SDK1: variants seen among roughly 807,000 people sequenced by gnomAD.
SDK1 encodes sidekick cell adhesion molecule 1, also known as protein sidekick-1.
SDK1 carries 157 observed loss-of-function variants against 245.5 expected under a neutral mutation model. The observed-to-expected ratio is 0.64, with a 90% confidence interval of 0.56 to 0.73. SDK1 has a LOEUF of 0.73. Ranked by LOEUF, SDK1 falls within the 30% of genes least tolerant of loss-of-function variation. The pLI is 0.00. For synonymous variants in SDK1, 1,647 were observed against 1,278.5 expected, an observed-to-expected ratio of 1.29 and a Z score of -6.15; for missense variants, 3,583 against 3,002.3, an observed-to-expected ratio of 1.19 and a Z score of -4.52.
intron 4 of SDK1, among the ~76,000 whole-genome samples, chr7:3,762,469 T>C (rs1282825883): frequency 6.6e-6 from 1 of 152,244 alleles, no homozygotes; most frequent in Non-Finnish European, 1.5e-5. Flanking sequence ...TTCTTAAACA[T>C]GCATGGTATT....
intron 4 of SDK1, among the ~76,000 whole-genome samples, chr7:3,805,510 T>A (rs1779219718): frequency 6.6e-6 from 1 of 152,242 alleles, no homozygotes; most frequent in Non-Finnish European, 1.5e-5. Context: ...TTTTCTGCCC[T>A]GACCTATAAT....
chr7:3,509,778 G>A (rs549414569), intron 1 of SDK1, among the ~76,000 whole-genome samples: 8 of 152,192 alleles, frequency 5.3e-5, no homozygotes, highest in Non-Finnish European at 5.9e-5. Flanking sequence ...TGTAAGAAAA[G>A]CAGCATGACA....
chr7:3,449,723 A>T (rs780497722), intron 1 of SDK1, among the ~76,000 whole-genome samples: 2 of 152,244 alleles, frequency 1.3e-5, no homozygotes, highest in Non-Finnish European at 2.9e-5. Context: ...ACTGAGCGGC[A>T]GAGACCTGTG....
At chr7:3,757,462 C>T (rs1159095234) in intron 4 of SDK1, among the ~76,000 whole-genome samples, 1 of 152,038 alleles carries the variant, frequency 6.6e-6, no homozygotes. Context: ...GTCTCAAACT[C>T]CTGGCCTCAA....
intron 44 of SDK1, among the ~76,000 whole-genome samples, chr7:4,262,386 T>TC (rs1788073745): frequency 6.6e-6 from 1 of 151,784 alleles, no homozygotes; most frequent in Admixed American, 6.6e-5. Context: ...AAAATAGAGG[T>TC]TTGCTTTCAG....
At chr7:3,486,086 T>TC (rs957815672) in intron 1 of SDK1, among the ~76,000 whole-genome samples, 1 of 152,022 alleles carries the variant, frequency 6.6e-6, no homozygotes, top group Non-Finnish European at 1.5e-5. Context: ...AGTGCTTTTT[T>TC]CCCCCCTGAG....
intron 1 of SDK1, among the ~76,000 whole-genome samples, chr7:3,568,919 C>T (rs1050097329): frequency 5.3e-5 from 8 of 151,708 alleles, no homozygotes; most frequent in Admixed American, 2.0e-4. Flanking sequence ...AGGCAATTTG[C>T]TTTAGTATCT....
chr7:3,834,016 A>G (rs1352538029), intron 5 of SDK1, among the ~76,000 whole-genome samples: 1 of 152,224 alleles, frequency 6.6e-6, no homozygotes, highest in East Asian at 1.9e-4. Flanking sequence ...ACCTGGAAGG[A>G]TACTGAGGGA....
chr7:3,441,608 C>T (rs938158762), intron 1 of SDK1, among the ~76,000 whole-genome samples: 5 of 152,144 alleles, frequency 3.3e-5, no homozygotes, highest in African/African-American at 1.2e-4. Flanking sequence ...ATTGCTGTCA[C>T]TTCATCATAA....
At chr7:3,892,800 C>G (rs551144554) in intron 5 of SDK1, among the ~76,000 whole-genome samples, 1 of 152,176 alleles carries the variant, frequency 6.6e-6, no homozygotes, top group Non-Finnish European at 1.5e-5. Flanking sequence ...GGAGGCAGTC[C>G]GGAAAGCTGA....
intron 4 of SDK1, among the ~76,000 whole-genome samples, chr7:3,736,720 A>T (rs1292906923): frequency 6.6e-6 from 1 of 152,208 alleles, no homozygotes; most frequent in Non-Finnish European, 1.5e-5. Context: ...ATACATATGT[A>T]TTGGGATATT....
intron 1 of SDK1, among the ~76,000 whole-genome samples, chr7:3,611,746 C>A (rs532805480): frequency 6.6e-6 from 1 of 151,938 alleles, no homozygotes; most frequent in Non-Finnish European, 1.5e-5. Flanking sequence ...GGCTATTGAT[C>A]AGGAAAATGC....
At chr7:3,454,615 G>C (rs1225768277) in intron 1 of SDK1, among the ~76,000 whole-genome samples, 1 of 152,060 alleles carries the variant, frequency 6.6e-6, no homozygotes, top group East Asian at 1.9e-4. Context: ...TAACCTTTTG[G>C]GATTTGCTGC....
At position 4,266,639 on chromosome 7, in the gene SDK1, T is replaced by C. The variant is rs932512956; in HGVS notation, c.*1255T>C. On this transcript the variant is annotated 3_prime_UTR_variant, in exon 45 of 45. Transcript: ENST00000404826. ...TCAGCTAGATGAAAAGAGTATGAAC[T>C]ACTTTGGAAAACTTAACAGCTCAGA... The C allele has an allele frequency of 2.0e-6, 2 of 985,350 alleles. No homozygotes were observed. Among genetic ancestry groups the C allele is most frequent in the African/African-American group, 3.5e-5 (2 of 57,256 alleles). The allele number at this position is 985,350 out of a possible 1,614,324, so 61.0% of individuals were successfully genotyped here.
intron 4 of SDK1, among the ~76,000 whole-genome samples, chr7:3,792,609 C>G (rs1271667017): frequency 2.6e-5 from 1 of 38,998 alleles, no homozygotes; most frequent in African/African-American, 1.1e-4. Flanking sequence ...CTCCCTTTCT[C>G]CCTCCCATCC....
Position 3,667,984 on chromosome 7 carries a change from T to G in SDK1, c.713+25879T>G, listed in dbSNP as rs368699051. 1.6e-3 allele frequency among the ~76,000 whole-genome samples: 248 copies of G among 152,270 alleles called. 2 individuals are homozygous for G. Among genetic ancestry groups the G allele is most frequent in the African/African-American group, 5.7e-3 (238 of 41,562 alleles). ...TGCTTGGAGTAGACTTTCTGGTAAG[T>G]GTATGTTTATTTAACTTTATAAGAA... is the stretch of plus-strand genomic sequence containing the variant. On this transcript the variant is annotated intron_variant, in intron 4 of 44. Coordinates refer to ENST00000404826, the MANE Select transcript of SDK1 (RefSeq NM_152744.4).
rs575408557 is a variant in SDK1 at position 3,803,939 on chromosome 7, T to C, written c.714-17511T>C. Among the ~76,000 whole-genome samples, 5 of 152,112 alleles carry C rather than the reference T, an allele frequency of 3.3e-5. No individual in the cohort carries two copies. In the South Asian group the frequency reaches 8.3e-4, roughly 25 times the overall value. On this transcript the variant is annotated intron_variant, in intron 4 of 44. Transcript: ENST00000404826. ...GCCACCACGCCTGGTTAATTTTTTG[T>C]ATTTTTAGTAGAGACGGGGTTTCAC...
rs1360717038 is a variant in SDK1 at position 3,667,227 on chromosome 7, T to A, written c.713+25122T>A. ...GAAGTTTATATAGTGTGTTCAAATG[T>A]AATTTTATTATAACCATATTATTAT... On this transcript the variant is annotated intron_variant, in intron 4 of 44. Transcript: ENST00000404826. Among the ~76,000 whole-genome samples the A allele has an allele frequency of 5.3e-5, 8 of 152,358 alleles. No individual in the cohort carries two copies. The East Asian group carries it at 1.5e-3, about 29-fold the overall frequency.
chr7:3,639,961 C>G (rs927812318), intron 3 of SDK1, among the ~76,000 whole-genome samples: 15 of 152,048 alleles, frequency 9.9e-5, no homozygotes, highest in Admixed American at 2.0e-4. Flanking sequence ...ATCCTCCCTC[C>G]TCAGCCTCCC....
Sources: allele counts gnomAD v4.1 joint callset (sites outside exome capture counted in the v4.1 genomes callset), GRCh38; gene constraint gnomAD v4.1.1; transcripts MANE v1.5; gene names NCBI Gene and HGNC (gene_info 2026-07-23, HGNC 2026-07-21).